The following MPPED2 variants were observed in gnomAD, a reference collection of about 807,000 sequenced individuals.
MPPED2 encodes the protein metallophosphoesterase MPPED2.
MPPED2 carries 5 observed loss-of-function variants against 33.0 expected under a neutral mutation model. The observed-to-expected ratio is 0.15, with a 90% confidence interval of 0.08 to 0.32. The LOEUF (loss-of-function observed/expected upper bound fraction) is 0.32, where lower values mean the gene tolerates loss of function less well. Ranked by LOEUF, MPPED2 falls within the 10% of genes least tolerant of loss-of-function variation. The pLI is 1.00. For missense variants in MPPED2, 275 were observed against 372.1 expected (o/e 0.74, Z 2.15); for synonymous variants, 136 against 141.9 (o/e 0.96, Z 0.29).
chr11:30,441,176 C>T (rs890283450), intron 4 of MPPED2: 3 of 152,040 alleles, frequency 2.0e-5, no homozygotes, highest in African/African-American at 7.2e-5. Flanking sequence ...TATAACTCCC[C>T]CTACACAGAC....
chr11:30,505,828 T>C (rs1380453962), intron 3 of MPPED2, among the ~76,000 whole-genome samples: 1 of 151,462 alleles, frequency 6.6e-6, no homozygotes, highest in Non-Finnish European at 1.5e-5. Flanking sequence ...GTCAGACAGA[T>C]TTCGGATCAA....
intron 4 of MPPED2, among the ~76,000 whole-genome samples, chr11:30,428,159 T>C (rs1948925470): frequency 6.6e-6 from 1 of 152,190 alleles, no homozygotes; most frequent in Non-Finnish European, 1.5e-5. Flanking sequence ...CTTAAATTCA[T>C]TCATGGAATG....
At chr11:30,569,082 G>A (rs1358734223) in intron 2 of MPPED2, among the ~76,000 whole-genome samples, 2 of 152,120 alleles carry the variant, frequency 1.3e-5, no homozygotes, top group African/African-American at 2.4e-5. Context: ...CAGTTTGGTT[G>A]CCAAGATGAT....
intron 4 of MPPED2, among the ~76,000 whole-genome samples, chr11:30,469,384 A>G (rs976994272): frequency 1.3e-5 from 2 of 152,182 alleles, no homozygotes; most frequent in Admixed American, 6.5e-5. Context: ...ATGGTCCTAG[A>G]AAGTTTACAT....
intron 1 of MPPED2, among the ~76,000 whole-genome samples, chr11:30,581,136 AT>A (rs2134922821): frequency 6.6e-6 from 1 of 151,962 alleles, no homozygotes; most frequent in East Asian, 1.9e-4. Context: ...ATGTAGTGTC[AT>A]TTTTTTCAAC....
Position 30,395,644 on chromosome 11 carries a change from CT to C in MPPED2, c.767-6689del, listed in dbSNP as rs1565031379. Among the ~76,000 whole-genome samples, 4 of 152,280 alleles carry C rather than the reference CT, an allele frequency of 2.6e-5. No homozygotes were observed. The East Asian group carries it at 7.7e-4, about 29-fold the overall frequency. ...CTATTTATACAGTCTGAACAGACGG[CT>C]TAGTTTGGCCTCTTAAAAATACAGT... On this transcript the variant is annotated intron_variant, in intron 6 of 6. Coordinates refer to the MPPED2 transcript ENST00000448418.
intron 4 of MPPED2, among the ~76,000 whole-genome samples, chr11:30,483,849 A>T (rs1951604633): frequency 6.6e-6 from 1 of 152,184 alleles, no homozygotes; most frequent in Non-Finnish European, 1.5e-5. Flanking sequence ...TTTGAGATTG[A>T]TATATCCCAG....
chr11:30,481,052 A>C (rs1404921225), intron 4 of MPPED2, among the ~76,000 whole-genome samples: 2 of 152,260 alleles, frequency 1.3e-5, no homozygotes, highest in East Asian at 3.9e-4. Context: ...GGAAATGCAC[A>C]AAATTGTATT....
At chr11:30,548,074 C>A (rs542080908) in intron 2 of MPPED2, among the ~76,000 whole-genome samples, 2 of 152,274 alleles carry the variant, frequency 1.3e-5, no homozygotes, top group East Asian at 3.9e-4. Flanking sequence ...GGCTTTGGAC[C>A]ATGGCTTTCC....
intron 4 of MPPED2, among the ~76,000 whole-genome samples, chr11:30,467,082 C>T (rs927693357): frequency 6.6e-6 from 1 of 152,072 alleles, no homozygotes; most frequent in Non-Finnish European, 1.5e-5. Context: ...GACCTCGTGC[C>T]CCTTTGCCTC....
intron 2 of MPPED2, among the ~76,000 whole-genome samples, chr11:30,556,221 C>T (rs929320990): frequency 6.6e-6 from 1 of 152,116 alleles, no homozygotes; most frequent in Admixed American, 6.5e-5. Context: ...CCTTGGAGAC[C>T]ATCTTCTCTA....
intron 3 of MPPED2, among the ~76,000 whole-genome samples, chr11:30,521,962 C>T (rs1324073272): frequency 6.6e-6 from 1 of 152,186 alleles, no homozygotes; most frequent in East Asian, 1.9e-4. Flanking sequence ...TTGCAAAATA[C>T]ACACCTAGTG....
At chr11:30,491,610 G>A (rs147170584) in intron 4 of MPPED2, among the ~76,000 whole-genome samples, 35 of 152,286 alleles carry the variant, frequency 2.3e-4, no homozygotes, top group African/African-American at 7.0e-4. Flanking sequence ...CCATGAAACC[G>A]TAATGTTTTC....
At chr11:30,563,154 C>T (rs1261462525) in intron 2 of MPPED2, among the ~76,000 whole-genome samples, 2 of 150,400 alleles carry the variant, frequency 1.3e-5, no homozygotes, top group Non-Finnish European at 2.9e-5. Flanking sequence ...CCCCAGACAT[C>T]CCACTCTCCT....
chr11:30,444,445 A>T (rs921995437), intron 4 of MPPED2, among the ~76,000 whole-genome samples: 6 of 143,968 alleles, frequency 4.2e-5, no homozygotes, highest in African/African-American at 1.4e-4. Flanking sequence ...ACAGAACATC[A>T]TTCTATTTTT....
chr11:30,404,569 T>C lies in MPPED2; in HGVS notation c.766+9659A>G, dbSNP rs187517047. The stretch of plus-strand genomic sequence containing the variant: ...CCTAGGCTAGCTGCCTGTGCTTGTC[T>C]GAGTTTTATGCCACACCTCGCACGT... On this transcript the variant is annotated intron_variant, in intron 6 of 6. Transcript: ENST00000448418. Among the ~76,000 whole-genome samples the C allele has an allele frequency of 3.6e-3, 546 of 152,340 alleles. 5 individuals are homozygous for C. The highest frequency in any genetic ancestry group is 0.012 in the African/African-American group (517 of 41,572).
intron 2 of MPPED2, among the ~76,000 whole-genome samples, chr11:30,554,971 C>G (rs1206705053): frequency 6.6e-6 from 1 of 152,238 alleles, no homozygotes; most frequent in Non-Finnish European, 1.5e-5. Context: ...CCAGATTCCA[C>G]AGCTGTGCTG....
At chr11:30,569,053 A>G (rs1956575171) in intron 2 of MPPED2, among the ~76,000 whole-genome samples, 1 of 152,158 alleles carries the variant, frequency 6.6e-6, no homozygotes, top group Non-Finnish European at 1.5e-5. Context: ...ATGACAAACA[A>G]TCTGAGCAGT....
At chr11:30,512,701 A>G (rs945847197) in intron 3 of MPPED2, among the ~76,000 whole-genome samples, 1 of 152,184 alleles carries the variant, frequency 6.6e-6, no homozygotes, top group African/African-American at 2.4e-5. Context: ...ATTATGTACA[A>G]GTTAAAAAGT....
Sources: gnomAD v4.1 joint callset for allele counts (sites outside exome capture counted in the v4.1 genomes callset) on GRCh38, gnomAD v4.1.1 for gene constraint, MANE v1.5 for transcripts, NCBI Gene and HGNC (gene_info 2026-07-23, HGNC 2026-07-21) for gene names.